Variants in AHNAK observed in about 807,000 individuals in gnomAD.
AHNAK encodes neuroblast differentiation-associated protein AHNAK.
Under a neutral mutation model 37.8 loss-of-function variants are expected in AHNAK, and 23 were observed. The observed-to-expected ratio is 0.61, with a 90% CI of 0.44 to 0.86. The LOEUF is 0.86. Ranked by LOEUF, AHNAK falls within the 40% of genes least tolerant of loss-of-function variation. AHNAK has a pLI of 0.00. For synonymous variants in AHNAK, 2,481 were observed against 2,636.3 expected, an observed-to-expected ratio of 0.94 and a Z score of 1.80; for missense variants, 7,411 against 7,319.4, an observed-to-expected ratio of 1.01 and a Z score of -0.46.
Position 62,517,725 on chromosome 11 carries a change from T to G in AHNAK, c.16692A>C (p.Pro5564=). 6.2e-7 allele frequency: 1 copy of G among 1,614,214 alleles called. No homozygotes were observed. The highest frequency in any genetic ancestry group is 1.1e-5 in the South Asian group (1 of 91,080). Residue 5564 remains proline, a synonymous_variant, in exon 5 of 5, where the codon CCA becomes CCC. Transcript: ENST00000378024. ...AAACATCCGCACCTCCTTTGATTTT[T>G]GGGCCCTTCAAGTTGATGCCAAAAT... ...ESDFGINLKG[P]KIKGGADVSG...
chr11:62,492,470 G>A (rs1939520116), intron 4 of AHNAK, among the ~76,000 whole-genome samples: 1 of 152,260 alleles, frequency 6.6e-6, no homozygotes, highest in African/African-American at 2.4e-5. Flanking sequence ...GATTCCGTCT[G>A]GCAGCAACAC....
chr11:62,507,131 A>C (rs935738458), intron 4 of AHNAK, among the ~76,000 whole-genome samples: 2 of 152,060 alleles, frequency 1.3e-5, no homozygotes, highest in African/African-American at 4.8e-5. Context: ...TGTTATTAAC[A>C]GTCTTCCTGG....
chr11:62,471,742 C>T (rs1011321867), intron 5 of AHNAK, among the ~76,000 whole-genome samples: 26 of 152,312 alleles, frequency 1.7e-4, no homozygotes, highest in Admixed American at 1.2e-3. Context: ...CAGGTGAAGC[C>T]GGACATGCCC....
At chr11:62,506,532 G>T (rs1356419001) in intron 4 of AHNAK, among the ~76,000 whole-genome samples, 1 of 152,206 alleles carries the variant, frequency 6.6e-6, no homozygotes, top group African/African-American at 2.4e-5. Context: ...CAGCCCCCTT[G>T]CATTTTCAGG....
intron 4 of AHNAK, among the ~76,000 whole-genome samples, chr11:62,493,219 G>A (rs922336151): frequency 1.3e-5 from 2 of 151,112 alleles, no homozygotes; most frequent in South Asian, 2.1e-4. Flanking sequence ...TCACCATGTT[G>A]GCCAGGCTGG....
Position 62,523,748 on chromosome 11 carries a change from C to A in AHNAK, c.10669G>T (p.Val3557Leu). The change falls in exon 5 of 5, where the codon GTG (valine) becomes TTG (leucine). Residue 3557 changes from valine (V) to leucine (L), a missense_variant. Coordinates refer to ENST00000378024, the MANE Select transcript of AHNAK (RefSeq NM_001620.3). ...DIDLNLKGPK[V>L]KGDVDISLPK... ...AGAGAAATATCCACATCACCTTTCA[C>A]CTTGGGGCCTTTCAAGTTTAAGTCA... The A allele has an allele frequency of 6.2e-7, 1 of 1,612,778 alleles. No homozygotes were observed. The highest frequency in any genetic ancestry group is 8.5e-7 in the Non-Finnish European group (1 of 1,179,670).
At chr11:62,463,913 G>A (rs112427861) in intron 5 of AHNAK, among the ~76,000 whole-genome samples, 4 of 148,340 alleles carry the variant, frequency 2.7e-5, no homozygotes, top group Middle Eastern at 7.0e-3. Context: ...ACAGGCGCCC[G>A]CCACCACGCC....
At chr11:62,470,061 T>C (rs950247871) in intron 5 of AHNAK, among the ~76,000 whole-genome samples, 17 of 152,096 alleles carry the variant, frequency 1.1e-4, no homozygotes, top group Non-Finnish European at 1.0e-4. Flanking sequence ...TCCCAGCACT[T>C]TGGGAGGCCA....
At chr11:62,500,252 A>G (rs954993613) in intron 4 of AHNAK, among the ~76,000 whole-genome samples, 3 of 152,208 alleles carry the variant, frequency 2.0e-5, no homozygotes, top group African/African-American at 7.2e-5. Flanking sequence ...GGAATGACTC[A>G]ATAGTAGCGA....
At chr11:62,469,216 G>C (rs548823430) in intron 5 of AHNAK, among the ~76,000 whole-genome samples, 1 of 152,034 alleles carries the variant, frequency 6.6e-6, no homozygotes, top group African/African-American at 2.4e-5. Flanking sequence ...CTGCCTCCTG[G>C]ATTCAAGAGA....
At chr11:62,474,184 C>T (rs901927323) in intron 5 of AHNAK, among the ~76,000 whole-genome samples, 3 of 150,898 alleles carry the variant, frequency 2.0e-5, no homozygotes, top group South Asian at 2.1e-4. Context: ...CAGAAACCTA[C>T]ATCTTTTTTT....
At chr11:62,505,050 A>C (rs1338974126) in intron 4 of AHNAK, among the ~76,000 whole-genome samples, 1 of 152,160 alleles carries the variant, frequency 6.6e-6, no homozygotes, top group Admixed American at 6.5e-5. Context: ...CTGTCATTTG[A>C]AGGAAGTCTG....
At position 62,522,360 on chromosome 11, in the gene AHNAK, C is replaced by T; in HGVS notation, c.12057G>A (p.Val4019=). ...HLKGPKVKGD[V]DVSLPKMEGD... ...CTTCCATCTTAGGCAGAGAAACATC[C>T]ACATCTCCTTTCACCTTAGGGCCTT... Residue 4019 remains valine (V), a synonymous_variant, in exon 5 of 5, where the codon GTG becomes GTA. Transcript: ENST00000378024. 1.9e-6 allele frequency: 3 copies of T among 1,613,894 alleles called. No individual in the cohort carries two copies. Among genetic ancestry groups the T allele is most frequent in the Non-Finnish European group, 2.5e-6 (3 of 1,179,996 alleles).
intron 4 of AHNAK, among the ~76,000 whole-genome samples, chr11:62,493,800 T>C (rs1756887536): frequency 6.6e-6 from 1 of 152,070 alleles, no homozygotes; most frequent in African/African-American, 2.4e-5. Flanking sequence ...TCATCCTTCC[T>C]TCTTACAGGT....
Position 62,528,547 on chromosome 11 carries a change from C to A in AHNAK, c.5870G>T (p.Gly1957Val). The change falls in exon 5 of 5, where the codon GGT (glycine) becomes GTT (valine). Residue 1957 changes from glycine to valine, a missense_variant. Physicochemically the swap from Gly to Val is moderately radical, Grantham distance 109. Coordinates refer to ENST00000378024, the MANE Select transcript of AHNAK (RefSeq NM_001620.3). The part of the protein sequence containing the change: ...LEGDLTGPSV[G>V]VEVPDVELEC... ...CAGCTCAACATCAGGCACCTCCACA[C>A]CCACACTGGGACCTGTTAAATCTCC... The A allele has an allele frequency of 6.2e-7, 1 of 1,608,942 alleles. No individual in the cohort carries two copies. Among genetic ancestry groups the A allele is most frequent in the East Asian group, 2.3e-5 (1 of 44,280 alleles).
At position 62,480,617 on chromosome 11, in the gene AHNAK, C is replaced by T. The variant is rs527728606; in HGVS notation, c.442+11115G>A. Among the ~76,000 whole-genome samples the T allele has an allele frequency of 7.3e-3, 1,095 of 150,906 alleles. 3 individuals are homozygous for T. The highest frequency in any genetic ancestry group is 0.011 in the Non-Finnish European group (735 of 67,752). On this transcript the variant is annotated intron_variant, in intron 5 of 5. Transcript: ENST00000257247. ...TGGAGGTTGCAGTGAGCCGAGATTG[C>T]GCCATTGCACTCCAGCCTGGGTGAC... is the stretch of plus-strand genomic sequence containing the variant.
Position 62,518,701 on chromosome 11 carries a change from G to A in AHNAK, c.15716C>T (p.Pro5239Leu). The A allele has an allele frequency of 6.2e-7, 1 of 1,614,126 alleles. No individual in the cohort carries two copies. ...TTTCACACCTGGGATGCCGATCTTG[G>A]GCATGGAAAACTTGGGGAACTTAAT... ...AKIKFPKFSM[P>L]KIGIPGVKME... Residue 5239 changes from proline (P) to leucine (L), a missense_variant, in exon 5 of 5, where the codon CCC becomes CTC. Pro to Leu is a moderately conservative substitution (Grantham distance 98). Transcript: ENST00000378024.
chr11:62,518,400 C>A lies in AHNAK; in HGVS notation c.16017G>T (p.Gln5339His). ...GCACTTTCACACCGTCTCCTCCCAC[C>A]TGCATTTTGCCACCGACACCACTGA... is the stretch of plus-strand genomic sequence containing the variant. ...LNLSGVGGKMQVGGDGVKVPG... is the reference protein window; with the variant it reads ...LNLSGVGGKMHVGGDGVKVPG... Residue 5339 changes from glutamine (Q) to histidine (H), a missense_variant, in exon 5 of 5, where the codon CAG becomes CAT. By Grantham distance (24) the Gln-to-His change is conservative (BLOSUM62 0). Coordinates refer to ENST00000378024, the MANE Select transcript of AHNAK (RefSeq NM_001620.3). 6.2e-7 allele frequency: 1 copy of A among 1,614,158 alleles called. No individual in the cohort carries two copies. The highest frequency in any genetic ancestry group is 8.5e-7 in the Non-Finnish European group (1 of 1,180,018).
chr11:62,497,519 C>T (rs779436505), intron 4 of AHNAK, among the ~76,000 whole-genome samples: 5 of 152,160 alleles, frequency 3.3e-5, no homozygotes, highest in African/African-American at 7.2e-5. Flanking sequence ...GACATGATTA[C>T]GCCCTTTATG....
Sources: allele counts gnomAD v4.1 joint callset (sites outside exome capture counted in the v4.1 genomes callset), GRCh38; gene constraint gnomAD v4.1.1; transcripts MANE v1.5; gene names NCBI Gene and HGNC (gene_info 2026-07-23, HGNC 2026-07-21).